CDH5: variants seen among roughly 807,000 people sequenced by gnomAD.
The protein encoded by CDH5 is cadherin 5.
Under a neutral mutation model 62.0 loss-of-function variants are expected in CDH5, and 28 were observed. The ratio of observed to expected loss-of-function variants is 0.45; its 90% confidence interval spans 0.33 to 0.62. The LOEUF is 0.62. CDH5 is among the 20% of genes least tolerant of loss of function. The pLI is 0.02. For synonymous variants in CDH5, 464 were observed against 445.8 expected (o/e 1.04, Z -0.52); for missense variants, 940 against 1,065.1 (o/e 0.88, Z 1.63).
Position 66,392,186 on chromosome 16 carries a change from A to G in CDH5, c.1020A>G (p.Thr340=), listed in dbSNP as rs1185434826. 3.7e-6 allele frequency: 6 copies of G among 1,614,032 alleles called. No homozygotes were observed. The highest frequency in any genetic ancestry group is 5.1e-6 in the Non-Finnish European group (6 of 1,180,010). The change falls in exon 7 of 12, where the codon ACA becomes ACG. Residue 340 remains threonine, a synonymous_variant. Transcript: ENST00000341529. The part of the protein sequence containing the change: ...IQQYSFIVEA[T]DPTIDLRYMS... ...AATACAGCTTCATCGTCGAGGCCAC[A>G]GACCCCACCATCGACCTCCGATACA...
chr16:66,381,626 T>C (rs570013685), intron 2 of CDH5, among the ~76,000 whole-genome samples: 2 of 152,174 alleles, frequency 1.3e-5, no homozygotes, highest in Non-Finnish European at 2.9e-5. Flanking sequence ...GGAAGGACCA[T>C]TCCAAGCACC....
chr16:66,388,284 G>C (rs755093182), intron 3 of CDH5, 40 bp from the exon 4 acceptor site: 1 of 1,278,820 alleles, frequency 7.8e-7, no homozygotes, highest in East Asian at 2.3e-5. Flanking sequence ...AAGGGGCCTA[G>C]CAGTCACAAG....
chr16:66,402,614 G>C (rs569955049), intron 11 of CDH5, 38 bp from the exon 12 acceptor site: 1 of 1,513,176 alleles, frequency 6.6e-7, no homozygotes, highest in African/African-American at 1.4e-5. Flanking sequence ...CAGGCCCCCA[G>C]CCTTGTCTGA....
rs147475542 is a variant in CDH5 at position 66,367,939 on chromosome 16, G to T, written c.-20+1181G>T. 5.2e-4 allele frequency among the ~76,000 whole-genome samples: 79 copies of T among 152,258 alleles called. 1 individual carries two copies. Among genetic ancestry groups the T allele is most frequent in the Non-Finnish European group, 8.8e-4 (60 of 68,028 alleles). On this transcript the variant is annotated intron_variant, in intron 1 of 11. Coordinates refer to ENST00000341529, the MANE Select transcript of CDH5 (RefSeq NM_001795.5). ...TGGATTTACCAGCTAGCACAGAGCC[G>T]ATCCTGGTTGTGAATGTGATAAAGA... is the stretch of plus-strand genomic sequence containing the variant.
intron 1 of CDH5, among the ~76,000 whole-genome samples, chr16:66,371,759 G>T (rs559423571): frequency 2.2e-3 from 342 of 152,284 alleles, no homozygotes; most frequent in African/African-American, 7.9e-3. Context: ...AGGGGCAGGG[G>T]GTCCTCCTGG....
intron 6 of CDH5, among the ~76,000 whole-genome samples, chr16:66,391,065 G>T (rs1961075665): frequency 6.6e-6 from 1 of 152,190 alleles, no homozygotes; most frequent in Admixed American, 6.5e-5. Flanking sequence ...ACTGACACTG[G>T]ATGCTGCTGA....
rs1343480356 is a variant in CDH5, at chr16:66,392,268, G to C, written c.1102G>C (p.Glu368Gln). The C allele has an allele frequency of 6.2e-7, 1 of 1,614,012 alleles. No individual in the cohort carries two copies. The highest frequency in any genetic ancestry group is 1.7e-5 in the Admixed American group (1 of 59,994). ...QVIINITDVD[E>Q]PPIFQQPFYH... ...CATTATCAACATCACAGATGTGGAC[G>C]AGCCCCCCATTTTCCAGCAGCCTTT... is the stretch of plus-strand genomic sequence containing the variant. The change falls in exon 7 of 12, where the codon GAG (glutamate) becomes CAG (glutamine). Residue 368 changes from glutamate (E) to glutamine (Q), a missense_variant. Glu to Gln is a conservative substitution (Grantham distance 29, BLOSUM62 2). Coordinates refer to ENST00000341529, the MANE Select transcript of CDH5 (RefSeq NM_001795.5).
At position 66,401,016 on chromosome 16, in the gene CDH5, G is replaced by C; in HGVS notation, c.1837G>C (p.Val613Leu). 6.2e-7 allele frequency: 1 copy of C among 1,613,902 alleles called. No homozygotes were observed. Among genetic ancestry groups the C allele is most frequent in the South Asian group, 1.1e-5 (1 of 91,052 alleles). ...AILLCILTIT[V>L]ITLLIFLRRR... ...CTTACTCTGCATCCTCACCATCACA[G>C]GTCAGTGCTGGGCAGGGTGGGGAGA... Residue 613 changes from valine to leucine, a missense_variant and splice_region_variant, in exon 11 of 12, where the codon GTG becomes CTG. Transcript: ENST00000341529.
At chr16:66,370,105 A>G (rs2142301975) in intron 1 of CDH5, among the ~76,000 whole-genome samples, 1 of 152,208 alleles carries the variant, frequency 6.6e-6, no homozygotes, top group Non-Finnish European at 1.5e-5. Context: ...GATTCAAGCG[A>G]TTCTCCTGCC....
At chr16:66,401,123 C>CT in intron 11 of CDH5, 107 bp downstream of exon 11, 2 of 1,426,514 alleles carry the variant, frequency 1.4e-6, no homozygotes, top group Non-Finnish European at 1.9e-6. Context: ...AGGTTCAGGC[C>CT]CAACCCTGCC....
chr16:66,391,833 T>A lies in CDH5; in HGVS notation c.970-303T>A, dbSNP rs78940741. ...TGGGTAGAACCACTAGTGACGCTCT[T>A]AAGAGCAGGACCATAGTTGATCCAT... On this transcript the variant is annotated intron_variant, in intron 6 of 11. Coordinates refer to ENST00000341529, the MANE Select transcript of CDH5 (RefSeq NM_001795.5). 9.0e-3 allele frequency among the ~76,000 whole-genome samples: 1,363 copies of A among 152,280 alleles called. 39 individuals carry two copies. The highest frequency in any genetic ancestry group is 0.084 in the East Asian group (434 of 5,158).
intron 1 of CDH5, among the ~76,000 whole-genome samples, chr16:66,366,972 G>A (rs1396997743): frequency 1.3e-5 from 2 of 152,246 alleles, no homozygotes; most frequent in East Asian, 1.9e-4. Context: ...TGGGCATCTC[G>A]GGGCTGAGGG....
At chr16:66,384,778 C>T (rs1383417975) in intron 2 of CDH5, among the ~76,000 whole-genome samples, 2 of 151,782 alleles carry the variant, frequency 1.3e-5, no homozygotes, top group Non-Finnish European at 2.9e-5. Flanking sequence ...CCAGCCTGGC[C>T]AACATGGTGA....
intron 1 of CDH5, among the ~76,000 whole-genome samples, chr16:66,369,065 C>T (rs1028475595): frequency 1.3e-5 from 2 of 152,224 alleles, no homozygotes; most frequent in Admixed American, 6.5e-5. Flanking sequence ...CAGCCTGCAC[C>T]TCAGTCTTCC....
Position 66,388,066 on chromosome 16 carries a change from C to T in CDH5, c.500-258C>T, listed in dbSNP as rs574053548. ...TTCTCTCCCTGACCCCAACCCTCCG[C>T]CCCCTCCCTCATTTCCCCAGGAAGC... On this transcript the variant is annotated intron_variant, in intron 3 of 11. Transcript: ENST00000341529. Among the ~76,000 whole-genome samples the T allele has an allele frequency of 1.5e-3, 235 of 152,302 alleles. 1 individual carries two copies. Among genetic ancestry groups the T allele is most frequent in the African/African-American group, 5.3e-3 (219 of 41,554 alleles).
At chr16:66,402,280 C>T (rs529764316) in intron 11 of CDH5, among the ~76,000 whole-genome samples, 1 of 151,384 alleles carries the variant, frequency 6.6e-6, no homozygotes, top group Non-Finnish European at 1.5e-5. Flanking sequence ...CCTTAGGGAT[C>T]CAAGACCCTC....
At chr16:66,401,078 A>G in intron 11 of CDH5, 62 bp downstream of exon 11, 1 of 1,606,072 alleles carries the variant, frequency 6.2e-7, no homozygotes, top group Admixed American at 1.7e-5. Context: ...AGGTGTTGGG[A>G]GGCGGGGAGG....
At chr16:66,372,833 C>T (rs893617538) in intron 1 of CDH5, among the ~76,000 whole-genome samples, 3 of 152,200 alleles carry the variant, frequency 2.0e-5, no homozygotes, top group African/African-American at 7.2e-5. Context: ...CCACTCACTC[C>T]GTCCTCTCAT....
intron 7 of CDH5, 164 bp from the exon 8 acceptor site, chr16:66,395,893 CTG>C (rs772005659): frequency 1.6e-4 from 96 of 617,062 alleles, no homozygotes; most frequent in Non-Finnish European, 2.5e-4. Context: ...CTGAATCCCT[CTG>C]TGTAGGTCCA....
Sources: gnomAD v4.1 joint callset for allele counts (sites outside exome capture counted in the v4.1 genomes callset) on GRCh38, gnomAD v4.1.1 for gene constraint, MANE v1.5 for transcripts, NCBI Gene and HGNC (gene_info 2026-07-23, HGNC 2026-07-21) for gene names.